CPNE8: variants seen among roughly 807,000 people sequenced by gnomAD.
CPNE8 encodes the protein copine-8.
In CPNE8, 45 loss-of-function variants were observed where a neutral mutation model predicts 81.5. The observed-to-expected ratio is 0.55, with a 90% CI of 0.44 to 0.71. The LOEUF is 0.71. Ranked by LOEUF, CPNE8 falls within the 30% of genes least tolerant of loss-of-function variation. CPNE8 has a pLI of 0.00. For synonymous variants in CPNE8, 252 were observed against 226.3 expected (o/e 1.11, Z -1.02); for missense variants, 594 against 672.1 (o/e 0.88, Z 1.28).
intron 6 of CPNE8, among the ~76,000 whole-genome samples, chr12:38,814,730 C>A (rs1488395103): frequency 6.6e-6 from 1 of 151,952 alleles, no homozygotes; most frequent in Non-Finnish European, 1.5e-5. Flanking sequence ...CTGGAATATT[C>A]TCTATATAAC....
chr12:38,902,358 A>AAG lies in CPNE8; in HGVS notation c.98+3077_98+3078dup, dbSNP rs1555172143. Among the ~76,000 whole-genome samples, 98 of 96,382 alleles carry AAG rather than the reference A, an allele frequency of 1.0e-3. 2 individuals are homozygous for AAG. The highest frequency in any genetic ancestry group is 5.6e-3 in the African/African-American group (88 of 15,792). 63.2% of individuals were successfully genotyped at this position (96,382 alleles called of 152,430 possible). On this transcript the variant is annotated intron_variant, in intron 1 of 19. Coordinates refer to ENST00000331366, the MANE Select transcript of CPNE8 (RefSeq NM_153634.3). ...AAAGAAAGAAAGAAAGAAAGAAAGA[A>AAG]AGAAAGAAAGAAAGAAAGAAAGAAA...
chr12:38,745,821 C>T lies in CPNE8; in HGVS notation c.722+15026G>A, dbSNP rs1056905294. On this transcript the variant is annotated intron_variant, in intron 10 of 19. Coordinates refer to ENST00000331366, the MANE Select transcript of CPNE8 (RefSeq NM_153634.3). The stretch of plus-strand genomic sequence containing the variant: ...CCTCTCAAAGTGCTGGGATTACCTA[C>T]GTGAGCCACGGCACCCCATAGGGTT... Among the ~76,000 whole-genome samples, 8 of 152,328 alleles carry T rather than the reference C, an allele frequency of 5.3e-5. No homozygotes were observed. The East Asian group carries it at 5.8e-4, about 11-fold the overall frequency.
At position 38,656,726 on chromosome 12, in the gene CPNE8, C is replaced by T. The variant is rs572527770; in HGVS notation, c.1507-2656G>A. On this transcript the variant is annotated intron_variant, in intron 19 of 19. Transcript: ENST00000331366. ...TTTTAAAGAACTAACACAAATTCTT[C>T]TCAAACTGTTTTTTAAAATTGAAGC... Among the ~76,000 whole-genome samples the T allele has an allele frequency of 3.9e-5, 6 of 152,286 alleles. No individual in the cohort carries two copies. The East Asian group carries it at 7.7e-4, about 20-fold the overall frequency.
In CPNE8 at chr12:38,653,734, A is replaced by C; in HGVS notation, c.*148T>G. The C allele has an allele frequency of 2.5e-6, 3 of 1,194,094 alleles. No individual in the cohort carries two copies. The highest frequency in any genetic ancestry group is 3.1e-5 in the East Asian group (1 of 32,326). 74.0% of individuals were successfully genotyped at this position (1,194,094 alleles called of 1,614,324 possible). A position where few individuals can be genotyped will look rare whatever the true frequency, so the allele number is the denominator to read the frequency against. ...ATTTACAGTTTTGGTTTAGGAAGAT[A>C]TTTAAATTTGGATCCAAGAAAGCAC... On this transcript the variant is annotated 3_prime_UTR_variant, in exon 20 of 20. Coordinates refer to ENST00000331366, the MANE Select transcript of CPNE8 (RefSeq NM_153634.3).
At chr12:38,831,781 A>C (rs117060391) in intron 5 of CPNE8, among the ~76,000 whole-genome samples, 2 of 152,298 alleles carry the variant, frequency 1.3e-5, no homozygotes, top group Admixed American at 1.3e-4. Flanking sequence ...AAAACTGAAG[A>C]TCTGAAATGT....
chr12:38,822,840 C>T (rs1943128081), intron 6 of CPNE8, among the ~76,000 whole-genome samples: 1 of 152,170 alleles, frequency 6.6e-6, no homozygotes. Context: ...ACTAAAAACA[C>T]CATCTTCTGA....
intron 15 of CPNE8, among the ~76,000 whole-genome samples, chr12:38,687,110 A>T (rs1592009817): frequency 2.0e-5 from 3 of 152,336 alleles, no homozygotes; most frequent in African/African-American, 7.2e-5. Flanking sequence ...ACAAGTAACC[A>T]GTAATCTATA....
chr12:38,812,499 A>G (rs1432310665), intron 6 of CPNE8, among the ~76,000 whole-genome samples: 3 of 152,188 alleles, frequency 2.0e-5, no homozygotes, highest in Non-Finnish European at 4.4e-5. Flanking sequence ...TATAAAAACC[A>G]TCAGATCTCG....
chr12:38,823,421 A>G (rs1943137778), intron 6 of CPNE8, among the ~76,000 whole-genome samples: 1 of 152,234 alleles, frequency 6.6e-6, no homozygotes, highest in African/African-American at 2.4e-5. Context: ...ACAATCATCC[A>G]TCTACGAACC....
intron 15 of CPNE8, among the ~76,000 whole-genome samples, chr12:38,689,877 G>A (rs1939633410): frequency 6.6e-6 from 1 of 152,176 alleles, no homozygotes; most frequent in African/African-American, 2.4e-5. Flanking sequence ...ATGATAATGA[G>A]AGGAGAGCAA....
At chr12:38,719,238 G>A (rs11169258) in intron 13 of CPNE8, among the ~76,000 whole-genome samples, 50,475 of 152,008 alleles carry the variant, frequency 0.33, 10,029 homozygotes, top group Non-Finnish European at 0.45. Flanking sequence ...GCCTGTCACC[G>A]TATAACACAA....
At chr12:38,728,020 A>T (rs551055885) in intron 11 of CPNE8, among the ~76,000 whole-genome samples, 3 of 152,198 alleles carry the variant, frequency 2.0e-5, no homozygotes, top group Admixed American at 6.5e-5. Flanking sequence ...AGCAGCCCAC[A>T]TGACAAAGAA....
intron 6 of CPNE8, 37 bp from the exon 7 acceptor site, chr12:38,776,338 GT>G: frequency 1.3e-6 from 1 of 791,954 alleles, no homozygotes; most frequent in East Asian, 3.1e-5. Context: ...ACATTAATAT[GT>G]TATATTAATA....
chr12:38,665,196 A>G (rs1304159099), intron 19 of CPNE8, among the ~76,000 whole-genome samples: 1 of 152,022 alleles, frequency 6.6e-6, no homozygotes, highest in Non-Finnish European at 1.5e-5. Flanking sequence ...TCTGTTTATT[A>G]CCTCTATTAG....
chr12:38,720,276 A>G (rs971363074), intron 13 of CPNE8, among the ~76,000 whole-genome samples: 1 of 152,186 alleles, frequency 6.6e-6, no homozygotes, highest in Non-Finnish European at 1.5e-5. Flanking sequence ...TAGAGTTAAG[A>G]CTGTCATTGC....
intron 9 of CPNE8, among the ~76,000 whole-genome samples, chr12:38,761,627 A>G (rs1720202466): frequency 6.6e-6 from 1 of 152,186 alleles, no homozygotes; most frequent in Admixed American, 6.5e-5. Context: ...TTTTTATATT[A>G]TAATCATACA....
At chr12:38,828,341 C>T (rs887467258) in intron 6 of CPNE8, among the ~76,000 whole-genome samples, 2 of 152,042 alleles carry the variant, frequency 1.3e-5, no homozygotes, top group African/African-American at 4.8e-5. Flanking sequence ...AAATAAATTA[C>T]ACACAAAAAG....
chr12:38,720,653 C>T (rs192245548), intron 13 of CPNE8: 3 of 152,122 alleles, frequency 2.0e-5, no homozygotes, highest in Admixed American at 6.5e-5. Context: ...ATTTACTTAC[C>T]TTATTTCTTT....
At chr12:38,905,398 A>G in intron 1 of CPNE8, 39 bp downstream of exon 1, 1 of 1,544,788 alleles carries the variant, frequency 6.5e-7, no homozygotes, top group South Asian at 1.2e-5. Context: ...AACCCCACAG[A>G]TGAGAGGGCA....
Sources: gnomAD v4.1 joint callset for allele counts (sites outside exome capture counted in the v4.1 genomes callset) on GRCh38, gnomAD v4.1.1 for gene constraint, MANE v1.5 for transcripts, NCBI Gene and HGNC (gene_info 2026-07-23, HGNC 2026-07-21) for gene names.